Variants in GLI2 observed in about 807,000 individuals in gnomAD.
GLI2 encodes the protein GLI family zinc finger 2, also known as transcription activator GLI2.
A neutral mutation model predicts 78.9 loss-of-function variants in GLI2; 22 were observed. The ratio of observed to expected loss-of-function variants is 0.28; its 90% CI spans 0.20 to 0.40. The LOEUF (loss-of-function observed/expected upper bound fraction) is 0.40, where lower values mean the gene tolerates loss of function less well. Among genes scored for constraint, GLI2 ranks in the 10% least tolerant of loss-of-function variants. The pLI is 1.00. For synonymous variants in GLI2, 974 were observed against 963.7 expected, an observed-to-expected ratio of 1.01 and a Z score of -0.20; for missense variants, 2,097 against 2,213.2, an observed-to-expected ratio of 0.95 and a Z score of 1.05.
chr2:120,743,737 G>A (rs148531743), intron 1 of GLI2, among the ~76,000 whole-genome samples: 4 of 152,328 alleles, frequency 2.6e-5, no homozygotes, highest in African/African-American at 9.6e-5. Context: ...AAGTTGCTTC[G>A]CCTATCTCTG....
intron 2 of GLI2, among the ~76,000 whole-genome samples, chr2:120,887,326 G>C (rs1316264896): frequency 6.6e-6 from 1 of 152,230 alleles, no homozygotes. Flanking sequence ...CAGTGAACCT[G>C]AATTGATACT....
At chr2:120,822,776 C>A (rs1280939359) in intron 2 of GLI2, among the ~76,000 whole-genome samples, 1 of 152,136 alleles carries the variant, frequency 6.6e-6, no homozygotes, top group Non-Finnish European at 1.5e-5. Flanking sequence ...ACAAAACACA[C>A]AAAAGTAACT....
chr2:120,934,148 C>T (rs545332891), intron 3 of GLI2, among the ~76,000 whole-genome samples: 3 of 152,288 alleles, frequency 2.0e-5, no homozygotes, highest in East Asian at 1.9e-4. Context: ...GCTTGACGTC[C>T]GGGAAAGCAG....
intron 3 of GLI2, among the ~76,000 whole-genome samples, chr2:120,942,717 G>C (rs1244781806): frequency 6.6e-6 from 1 of 152,192 alleles, no homozygotes; most frequent in Non-Finnish European, 1.5e-5. Flanking sequence ...TCCCAGGCAG[G>C]AGTGAGCTGA....
intron 2 of GLI2, among the ~76,000 whole-genome samples, chr2:120,899,514 C>G (rs904566577): frequency 2.0e-5 from 3 of 152,200 alleles, no homozygotes; most frequent in Admixed American, 2.0e-4. Context: ...CGAGCCTGCT[C>G]CTAGCTGAGC....
At position 120,970,416 on chromosome 2, in the gene GLI2, C is replaced by T. The variant is rs752088509; in HGVS notation, c.869C>T (p.Pro290Leu). 5.6e-6 allele frequency: 9 copies of T among 1,613,166 alleles called. No individual in the cohort carries two copies. Among genetic ancestry groups the T allele is most frequent in the Non-Finnish European group, 7.6e-6 (9 of 1,179,174 alleles). The change falls in exon 7 of 14, where the codon CCC becomes CTC. Residue 290 changes from proline (P) to leucine (L), a missense_variant. Transcript: ENST00000361492. The part of the protein sequence containing the change: ...ALSPAFTFPH[P>L]INPVAYQQIL... ...AGCCCAGCCTTCACCTTCCCCCACC[C>T]CATCAACCCCGTGGCCTACCAGCAG... is the stretch of plus-strand genomic sequence containing the variant.
At chr2:120,966,280 G>A (rs1001904992) in intron 5 of GLI2, among the ~76,000 whole-genome samples, 1 of 152,146 alleles carries the variant, frequency 6.6e-6, no homozygotes, top group Non-Finnish European at 1.5e-5. Context: ...TTTTATGCTG[G>A]TGTCATTGAT....
At chr2:120,925,444 T>A (rs1278222504) in intron 2 of GLI2, among the ~76,000 whole-genome samples, 1 of 152,182 alleles carries the variant, frequency 6.6e-6, no homozygotes, top group African/African-American at 2.4e-5. Context: ...ACAAAAAAAA[T>A]GTGGTCTATC....
intron 2 of GLI2, among the ~76,000 whole-genome samples, chr2:120,803,918 G>A (rs1684817477): frequency 6.6e-6 from 1 of 152,200 alleles, no homozygotes; most frequent in Admixed American, 6.5e-5. Flanking sequence ...TTTGCAGCTG[G>A]TAGTACTGGC....
intron 5 of GLI2, among the ~76,000 whole-genome samples, chr2:120,958,048 C>T (rs958229880): frequency 6.6e-6 from 1 of 152,156 alleles, no homozygotes; most frequent in Non-Finnish European, 1.5e-5. Flanking sequence ...GCAGCTGGGC[C>T]GGAGCCAGAG....
At chr2:120,971,902 G>A (rs967037114) in intron 7 of GLI2, 39 bp from the exon 8 acceptor site, 3 of 1,608,578 alleles carry the variant, frequency 1.9e-6, no homozygotes, top group Non-Finnish European at 2.6e-6. Flanking sequence ...TCCCTGCCCT[G>A]CCCCTGAGTA....
At chr2:120,913,347 A>T (rs1678928918) in intron 2 of GLI2, among the ~76,000 whole-genome samples, 1 of 152,240 alleles carries the variant, frequency 6.6e-6, no homozygotes, top group Admixed American at 6.5e-5. Flanking sequence ...GAATAAAAGC[A>T]TGTAACACAT....
At chr2:120,752,395 C>T (rs1179134910) in intron 1 of GLI2, among the ~76,000 whole-genome samples, 1 of 151,824 alleles carries the variant, frequency 6.6e-6, no homozygotes, top group Non-Finnish European at 1.5e-5. Context: ...CTCAACCTCC[C>T]GAGTAGCTGG....
chr2:120,978,287 T>TAATA, intron 9 of GLI2, 147 bp from the exon 10 acceptor site: 1 of 839,904 alleles, frequency 1.2e-6, no homozygotes. Flanking sequence ...GGTCTGAACA[T>TAATA]AATAGGTGTG....
At chr2:120,854,198 T>G (rs1640531678) in intron 2 of GLI2, among the ~76,000 whole-genome samples, 1 of 152,154 alleles carries the variant, frequency 6.6e-6, no homozygotes, top group Non-Finnish European at 1.5e-5. Context: ...GAGAGCTTCC[T>G]GGAGGAGGTG....
intron 2 of GLI2, among the ~76,000 whole-genome samples, chr2:120,905,371 GC>G (rs909840987): frequency 1.3e-5 from 2 of 152,182 alleles, no homozygotes; most frequent in African/African-American, 4.8e-5. Flanking sequence ...TGGGAGAACT[GC>G]CTACCAGAGG....
At chr2:120,771,800 C>A (rs982437651) in intron 1 of GLI2, among the ~76,000 whole-genome samples, 1 of 152,196 alleles carries the variant, frequency 6.6e-6, no homozygotes, top group Non-Finnish European at 1.5e-5. Flanking sequence ...ACCAGGACTC[C>A]TCAAAGTTAG....
intron 2 of GLI2, among the ~76,000 whole-genome samples, chr2:120,908,169 T>TG (rs1265590968): frequency 6.6e-6 from 1 of 152,124 alleles, no homozygotes; most frequent in Non-Finnish European, 1.5e-5. Context: ...AGCCATGGCC[T>TG]GGGGGGCCTG....
At chr2:120,898,678 T>G (rs914776235) in intron 2 of GLI2, among the ~76,000 whole-genome samples, 1 of 152,224 alleles carries the variant, frequency 6.6e-6, no homozygotes, top group Non-Finnish European at 1.5e-5. Flanking sequence ...TGTTGGTTTC[T>G]AGTCTCCTCT....
Sources: gnomAD v4.1 joint callset for allele counts (sites outside exome capture counted in the v4.1 genomes callset) on GRCh38, gnomAD v4.1.1 for gene constraint, MANE v1.5 for transcripts, NCBI Gene and HGNC (gene_info 2026-07-23, HGNC 2026-07-21) for gene names.